The following DIAPH2 variants were observed in gnomAD, a reference collection of about 807,000 sequenced individuals.
The protein encoded by DIAPH2 is protein diaphanous homolog 2.
Under a neutral mutation model 92.7 loss-of-function variants are expected in DIAPH2, and 35 were observed. The observed-to-expected ratio is 0.38, with a 90% confidence interval of 0.29 to 0.50. DIAPH2 has a LOEUF of 0.50. Among genes scored for constraint, DIAPH2 ranks in the 20% least tolerant of loss-of-function variants. The pLI, the probability that DIAPH2 is intolerant of heterozygous loss-of-function variation, is 0.94. For missense variants in DIAPH2, 701 were observed against 819.5 expected, an observed-to-expected ratio of 0.86 and a Z score of 1.77; for synonymous variants, 301 against 280.4, an observed-to-expected ratio of 1.07 and a Z score of -0.73.
At chrX:97,410,119 G>A (rs1674477366) in intron 25 of DIAPH2, among the ~76,000 whole-genome samples, 1 of 111,910 alleles carries the variant, frequency 8.9e-6, no homozygotes, top group South Asian at 3.7e-4. Flanking sequence ...TCCCAGTTTG[G>A]GCCTACTGAC....
intron 26 of DIAPH2, among the ~76,000 whole-genome samples, chrX:97,557,319 A>C (rs1031962836): frequency 8.9e-6 from 1 of 111,793 alleles, no homozygotes; most frequent in African/African-American, 3.3e-5. Context: ...TGGGCAGATC[A>C]CCTGAGGTCA....
chrX:97,070,944 C>T (rs1254758756), intron 17 of DIAPH2, among the ~76,000 whole-genome samples: 1 of 111,686 alleles, frequency 9.0e-6, no homozygotes, highest in Admixed American at 9.5e-5. Flanking sequence ...CTGGGTTAGT[C>T]AGGATCCTGT....
intron 22 of DIAPH2, among the ~76,000 whole-genome samples, chrX:97,180,389 A>G (rs187365856): frequency 6.3e-5 from 7 of 111,684 alleles, no homozygotes. Flanking sequence ...AGTTTCTTGT[A>G]GATTCTGGAT....
chrX:97,540,746 C>T (rs1306585326), intron 26 of DIAPH2, among the ~76,000 whole-genome samples: 1 of 111,927 alleles, frequency 8.9e-6, no homozygotes, highest in African/African-American at 3.2e-5. Context: ...TAACACTGTA[C>T]AGGCAAGTGC....
intron 22 of DIAPH2, among the ~76,000 whole-genome samples, chrX:97,174,988 T>A (rs1372631463): frequency 9.0e-6 from 1 of 111,359 alleles, no homozygotes; most frequent in Admixed American, 9.6e-5. Flanking sequence ...AAGGAAGAGA[T>A]GGAGGGAGAG....
intron 26 of DIAPH2, among the ~76,000 whole-genome samples, chrX:97,445,480 C>T (rs2070300896): frequency 9.1e-6 from 1 of 110,261 alleles, no homozygotes; most frequent in African/African-American, 3.3e-5. Context: ...TGCAGTGGTG[C>T]GATCTTGGCT....
chrX:97,509,047 AT>A (rs1433525875), intron 26 of DIAPH2, among the ~76,000 whole-genome samples: 1 of 100,840 alleles, frequency 9.9e-6, no homozygotes, highest in African/African-American at 4.0e-5. Context: ...TTATTTATTT[AT>A]TTATTTATTA....
At position 96,699,700 on chromosome X, in the gene DIAPH2, T is replaced by A. The variant is rs768598182; in HGVS notation, c.132+14510T>A. Among the ~76,000 whole-genome samples the A allele has an allele frequency of 9.8e-5, 11 of 112,066 alleles. No homozygotes were observed. The South Asian group carries it at 2.3e-3, about 23-fold the overall frequency. On this transcript the variant is annotated intron_variant, in intron 1 of 26. Coordinates refer to ENST00000324765, the MANE Select transcript of DIAPH2 (RefSeq NM_006729.5). ...TGTTCTTTACTTTCCATTCTCTCCT[T>A]TCCTCTCTATTCAGACAGGGTCAGC... is the stretch of plus-strand genomic sequence containing the variant.
intron 8 of DIAPH2, among the ~76,000 whole-genome samples, chrX:96,917,453 T>C (rs2065512149): frequency 1.8e-5 from 2 of 111,431 alleles, no homozygotes; most frequent in Non-Finnish European, 3.8e-5. Context: ...ACCTCAATGA[T>C]AACAAACTGA....
intron 8 of DIAPH2, among the ~76,000 whole-genome samples, chrX:96,916,792 T>C (rs2065507558): frequency 9.0e-6 from 1 of 111,235 alleles, no homozygotes; most frequent in Non-Finnish European, 1.9e-5. Context: ...GGGAAATTCT[T>C]GAAAGTTGGA....
chrX:97,022,264 G>T (rs2066303329), intron 17 of DIAPH2, among the ~76,000 whole-genome samples: 2 of 112,223 alleles, frequency 1.8e-5, no homozygotes, highest in Admixed American at 9.5e-5. Context: ...TGTGAAAATG[G>T]TTAGCCTATA....
intron 17 of DIAPH2, among the ~76,000 whole-genome samples, chrX:97,064,152 A>G (rs772642322): frequency 1.3e-4 from 14 of 111,996 alleles, no homozygotes; most frequent in African/African-American, 4.2e-4. Context: ...TAAATTTCCT[A>G]TACTTCAAAC....
chrX:97,595,594 CTTTCTCTTTCTTTCT>C (rs1258474722), intron 26 of DIAPH2, among the ~76,000 whole-genome samples: 8 of 109,868 alleles, frequency 7.3e-5, no homozygotes, highest in Non-Finnish European at 9.5e-5. Flanking sequence ...TTCTTTCTTT[CTTTCTCTTTCTTTCT>C]TTTCTCTTTC....
At chrX:97,590,660 A>C (rs943137947) in intron 26 of DIAPH2, among the ~76,000 whole-genome samples, 2 of 111,925 alleles carry the variant, frequency 1.8e-5, no homozygotes, top group African/African-American at 6.5e-5. Flanking sequence ...CAGCTAGTTT[A>C]TTCTCCACCA....
intron 23 of DIAPH2, among the ~76,000 whole-genome samples, chrX:97,273,404 AAAC>A (rs956750741): frequency 4.5e-5 from 5 of 111,934 alleles, no homozygotes; most frequent in African/African-American, 1.3e-4. Flanking sequence ...TACTGAATGC[AAAC>A]TACTGGCCAG....
chrX:97,011,162 A>G (rs776302435), intron 17 of DIAPH2, among the ~76,000 whole-genome samples: 36 of 112,570 alleles, frequency 3.2e-4, no homozygotes, highest in African/African-American at 1.1e-3. Flanking sequence ...AAACACATGA[A>G]TATGTGAATT....
At chrX:97,240,547 A>T (rs150592535) in intron 22 of DIAPH2, among the ~76,000 whole-genome samples, 1 of 106,629 alleles carries the variant, frequency 9.4e-6, no homozygotes, top group Non-Finnish European at 1.9e-5. Flanking sequence ...CAGAGCTTGT[A>T]GTGAGCCGAG....
At chrX:97,558,819 G>T (rs1023742601) in intron 26 of DIAPH2, among the ~76,000 whole-genome samples, 3 of 111,705 alleles carry the variant, frequency 2.7e-5, no homozygotes, top group African/African-American at 9.8e-5. Flanking sequence ...CAAATTGGGG[G>T]TTATAGACTA....
At chrX:97,320,529 T>C (rs774645835) in intron 23 of DIAPH2, among the ~76,000 whole-genome samples, 1 of 110,214 alleles carries the variant, frequency 9.1e-6, no homozygotes, top group South Asian at 3.9e-4. Flanking sequence ...GACTGGCCAA[T>C]TGTGGTGAAA....
Sources: allele counts gnomAD v4.1 joint callset (sites outside exome capture counted in the v4.1 genomes callset), GRCh38; gene constraint gnomAD v4.1.1; transcripts MANE v1.5; gene names NCBI Gene and HGNC (gene_info 2026-07-23, HGNC 2026-07-21).